The following DDAH1 variants were observed in gnomAD, a reference collection of about 807,000 sequenced individuals.
The protein encoded by DDAH1 is dimethylarginine dimethylaminohydrolase 1.
DDAH1 carries 19 observed loss-of-function variants against 28.8 expected under a neutral mutation model. That is an observed-to-expected ratio of 0.66 (90% confidence interval 0.46 to 0.97). The LOEUF (loss-of-function observed/expected upper bound fraction) is 0.97, where lower values mean the gene tolerates loss of function less well. Among genes scored for constraint, DDAH1 ranks in the 50% least tolerant of loss-of-function variants. The probability of loss-of-function intolerance (pLI) is 0.00; values close to 1 mark genes in which losing one functional copy is unlikely to be tolerated. For synonymous variants in DDAH1, 153 were observed against 154.4 expected (o/e 0.99, Z 0.07); for missense variants, 326 against 375.9 (o/e 0.87, Z 1.10).
chr1:85,456,302 A>G (rs1192915845), intron 1 of DDAH1, among the ~76,000 whole-genome samples: 2 of 152,248 alleles, frequency 1.3e-5, no homozygotes, highest in African/African-American at 2.4e-5. Context: ...AGATTTGTGA[A>G]TAAAAATAAT....
chr1:85,466,654 A>G (rs1557664275), upstream of DDAH1, among the ~76,000 whole-genome samples: 4 of 152,230 alleles, frequency 2.6e-5, no homozygotes, highest in East Asian at 3.9e-4. Flanking sequence ...TTCTAAAGCA[A>G]AATTCTTAGG....
At chr1:85,526,487 C>G (rs1188695209) in intron 1 of DDAH1, among the ~76,000 whole-genome samples, 2 of 152,158 alleles carry the variant, frequency 1.3e-5, no homozygotes, top group African/African-American at 4.8e-5. Context: ...GCGCCCGGAT[C>G]TAGGTGTGTG....
chr1:85,378,510 G>A (rs1650802407), intron 1 of DDAH1, among the ~76,000 whole-genome samples: 1 of 152,146 alleles, frequency 6.6e-6, no homozygotes, highest in Non-Finnish European at 1.5e-5. Context: ...TGGGATTCAA[G>A]AGATCTTCCC....
rs1029184179 is a variant in DDAH1, at chr1:85,464,557, G to A, written c.303+186C>T. 3 of 1,529,912 alleles carry A rather than the reference G, an allele frequency of 2.0e-6. No individual in the cohort carries two copies. The highest frequency in any genetic ancestry group is 2.6e-6 in the Non-Finnish European group (3 of 1,143,978). 94.8% of individuals were successfully genotyped at this position (1,529,912 alleles called of 1,614,324 possible). A position where few individuals can be genotyped will look rare whatever the true frequency, so the allele number is the denominator to read the frequency against. ...TCCAGAAGGCTGCCGGCAGCCGGGAGGTGTGAACAATGAACTTCTCTCTGA... is the reference window on the plus strand; with the variant it reads ...TCCAGAAGGCTGCCGGCAGCCGGGAAGTGTGAACAATGAACTTCTCTCTGA... On this transcript the variant is annotated intron_variant, in intron 1 of 5. Transcript: ENST00000284031. This position sits in a 1 kb window ranked among gnomAD's most constrained non-coding sequence, Gnocchi z 4.4.
intron 1 of DDAH1, chr1:85,404,375 C>T (rs1652301933): frequency 6.5e-7 from 1 of 1,534,958 alleles, no homozygotes; most frequent in South Asian, 1.2e-5. Context: ...CTTCATTTGT[C>T]CTTACCATAG....
intron 1 of DDAH1, among the ~76,000 whole-genome samples, chr1:85,456,874 G>A (rs147984153): frequency 0.01 from 1,522 of 152,074 alleles, 17 homozygotes; most frequent in Non-Finnish European, 0.016. Flanking sequence ...CCAAAAAAGT[G>A]CCTTACCAGA....
intron 4 of DDAH1, among the ~76,000 whole-genome samples, chr1:85,339,162 A>G (rs1648317867): frequency 6.6e-6 from 1 of 151,854 alleles, no homozygotes; most frequent in Non-Finnish European, 1.5e-5. Flanking sequence ...ATCGTTTGCC[A>G]GGGTGTGGGT....
At chr1:85,466,385 G>A (rs1388108732), upstream of DDAH1, among the ~76,000 whole-genome samples, 2 of 152,104 alleles carry the variant, frequency 1.3e-5, no homozygotes, top group African/African-American at 4.8e-5. Context: ...TGAGTAGCTG[G>A]GACTACAGGT....
At chr1:85,537,353 A>AT (rs766072038) in intron 1 of DDAH1, among the ~76,000 whole-genome samples, 34 of 151,114 alleles carry the variant, frequency 2.2e-4, no homozygotes, top group African/African-American at 7.8e-4. Flanking sequence ...AATAATAATA[A>AT]AAAAAAATCC....
intron 1 of DDAH1, among the ~76,000 whole-genome samples, chr1:85,405,180 T>C (rs999195002): frequency 3.9e-5 from 6 of 152,204 alleles, no homozygotes; most frequent in African/African-American, 1.4e-4. Context: ...AGCAATTCTC[T>C]TCAGTTTAAT....
intron 1 of DDAH1, among the ~76,000 whole-genome samples, chr1:85,397,180 T>C (rs537832912): frequency 6.6e-6 from 1 of 152,348 alleles, no homozygotes; most frequent in East Asian, 1.9e-4. Context: ...TCATCAGGTT[T>C]TCAATGATGG....
chr1:85,565,240 A>G (rs1170083187), intron 1 of DDAH1, among the ~76,000 whole-genome samples: 1 of 152,182 alleles, frequency 6.6e-6, no homozygotes, highest in Non-Finnish European at 1.5e-5. Context: ...TTTGAATGTC[A>G]GCTGATTTCT....
At chr1:85,444,589 G>A (rs1411236918) in intron 1 of DDAH1, among the ~76,000 whole-genome samples, 1 of 152,282 alleles carries the variant, frequency 6.6e-6, no homozygotes, top group East Asian at 1.9e-4. Context: ...CCTACAATGT[G>A]GCCCCACAGG....
At chr1:85,562,486 G>C (rs1338954875) in intron 1 of DDAH1, among the ~76,000 whole-genome samples, 1 of 152,190 alleles carries the variant, frequency 6.6e-6, no homozygotes, top group African/African-American at 2.4e-5. Context: ...ATGTGGCCTT[G>C]TTTGGAAATA....
At chr1:85,410,023 G>C (rs1184327415) in intron 1 of DDAH1, among the ~76,000 whole-genome samples, 1 of 152,216 alleles carries the variant, frequency 6.6e-6, no homozygotes, top group African/African-American at 2.4e-5. Flanking sequence ...GCTCAGGCCT[G>C]TAATCCCAGC....
chr1:85,342,691 G>GTTAT (rs1459517425), intron 4 of DDAH1, among the ~76,000 whole-genome samples: 2 of 152,162 alleles, frequency 1.3e-5, no homozygotes, highest in African/African-American at 4.8e-5. Flanking sequence ...ATCGGGATAT[G>GTTAT]TTATTTTGCA....
At chr1:85,431,993 C>T (rs1653707562) in intron 1 of DDAH1, among the ~76,000 whole-genome samples, 1 of 152,176 alleles carries the variant, frequency 6.6e-6, no homozygotes, top group African/African-American at 2.4e-5. Context: ...ACATGATGAG[C>T]TTTACAGTTA....
intron 4 of DDAH1, among the ~76,000 whole-genome samples, chr1:85,342,146 G>T (rs1485114325): frequency 6.6e-6 from 1 of 152,138 alleles, no homozygotes; most frequent in Non-Finnish European, 1.5e-5. Flanking sequence ...CATAGGGAGA[G>T]CTGGAGGCAG....
intron 2 of DDAH1, among the ~76,000 whole-genome samples, chr1:85,491,065 T>TTTTTA (rs1656386461): frequency 8.9e-6 from 1 of 112,808 alleles, no homozygotes; most frequent in Non-Finnish European, 1.7e-5. Flanking sequence ...TTTTTTTTTT[T>TTTTTA]TGAGACAGTC....
Sources: gnomAD v4.1 joint callset for allele counts (sites outside exome capture counted in the v4.1 genomes callset) on GRCh38, gnomAD v4.1.1 for gene constraint, Gnocchi (gnomAD v3.1) non-coding constraint, MANE v1.5 for transcripts, NCBI Gene and HGNC (gene_info 2026-07-23, HGNC 2026-07-21) for gene names.